LNX1: variants seen among roughly 807,000 people sequenced by gnomAD.
LNX1 encodes the protein E3 ubiquitin-protein ligase LNX.
In LNX1, 54 loss-of-function variants were observed where a neutral mutation model predicts 68.4. That is an observed-to-expected ratio of 0.79 (90% confidence interval 0.63 to 0.99). LNX1 has a LOEUF of 0.99. Among genes scored for constraint, LNX1 ranks in the 50% least tolerant of loss-of-function variants. The pLI, the probability that LNX1 is intolerant of heterozygous loss-of-function variation, is 0.00. For synonymous variants in LNX1, 336 were observed against 350.0 expected, an observed-to-expected ratio of 0.96 and a Z score of 0.45; for missense variants, 906 against 926.4, an observed-to-expected ratio of 0.98 and a Z score of 0.29.
At chr4:53,602,408 A>G (rs191858112) in intron 2 of LNX1, among the ~76,000 whole-genome samples, 51 of 152,304 alleles carry the variant, frequency 3.3e-4, no homozygotes, top group Middle Eastern at 3.4e-3. Flanking sequence ...ACCTGGGCCA[A>G]CATCAGCTGT....
chr4:53,533,414 T>A (rs1296977701), intron 2 of LNX1, among the ~76,000 whole-genome samples: 1 of 152,192 alleles, frequency 6.6e-6, no homozygotes, highest in Non-Finnish European at 1.5e-5. Flanking sequence ...GACTTTTTTA[T>A]TTGAGGTGGC....
At chr4:53,570,538 T>G in intron 2 of LNX1, among the ~76,000 whole-genome samples, 1 of 136,406 alleles carries the variant, frequency 7.3e-6, no homozygotes, top group African/African-American at 2.6e-5. Flanking sequence ...GGGGGAGGGA[T>G]AGCATTGGGC....
At chr4:53,463,928 G>A (rs1378521668) in intron 9 of LNX1, among the ~76,000 whole-genome samples, 3 of 152,080 alleles carry the variant, frequency 2.0e-5, no homozygotes, top group Admixed American at 2.0e-4. Context: ...CTAAGGCAGA[G>A]CCTCTTTCCT....
intron 2 of LNX1, among the ~76,000 whole-genome samples, chr4:53,542,310 A>G (rs1225824000): frequency 1.3e-5 from 2 of 152,232 alleles, no homozygotes; most frequent in African/African-American, 4.8e-5. Context: ...AAAGATTGTA[A>G]TACTGTTGTT....
chr4:53,599,221 G>T (rs1048372837), intron 2 of LNX1, among the ~76,000 whole-genome samples: 1 of 152,162 alleles, frequency 6.6e-6, no homozygotes, highest in East Asian at 1.9e-4. Context: ...TGAGATAAAA[G>T]ATTGGCACAA....
chr4:53,479,215 G>A (rs1400306135), intron 7 of LNX1, among the ~76,000 whole-genome samples: 3 of 152,198 alleles, frequency 2.0e-5, no homozygotes, highest in Non-Finnish European at 4.4e-5. Context: ...AGCACACAGA[G>A]TGAACTGCAC....
chr4:53,477,019 G>A (rs1723608111), intron 8 of LNX1, 38 bp from the exon 9 acceptor site: 1 of 1,536,990 alleles, frequency 6.5e-7, no homozygotes. Context: ...TTTAGTGAGA[G>A]CACAAACAGG....
intron 1 of LNX1, among the ~76,000 whole-genome samples, chr4:53,586,178 ATGTTG>A (rs1444554002): frequency 7.9e-5 from 12 of 152,240 alleles, no homozygotes; most frequent in South Asian, 4.1e-4. Flanking sequence ...GAGTGTGTGT[ATGTTG>A]TGGAAGATGT....
intron 2 of LNX1, among the ~76,000 whole-genome samples, chr4:53,556,562 G>A (rs372713351): frequency 7.2e-5 from 11 of 152,338 alleles, no homozygotes; most frequent in African/African-American, 2.6e-4. Flanking sequence ...AGAGGAATGA[G>A]CCTTTTCATA....
intron 1 of LNX1, among the ~76,000 whole-genome samples, chr4:53,582,666 T>C (rs10021838): frequency 0.32 from 49,201 of 152,114 alleles, 8,271 homozygotes; most frequent in African/African-American, 0.41. Context: ...AGATTATTTC[T>C]GAGGTTACTT....
intron 2 of LNX1, among the ~76,000 whole-genome samples, chr4:53,614,978 T>C (rs1733632334): frequency 1.5e-5 from 1 of 66,330 alleles, no homozygotes; most frequent in African/African-American, 5.1e-5. Flanking sequence ...CGAAATTTGT[T>C]CATCTTTGAA....
chr4:53,649,044 T>C (rs1734995108), intron 1 of LNX1, among the ~76,000 whole-genome samples: 1 of 152,186 alleles, frequency 6.6e-6, no homozygotes, highest in Non-Finnish European at 1.5e-5. Flanking sequence ...ATGGTGCCTG[T>C]AACCCAAAAT....
At chr4:53,637,566 C>T (rs1734527999) in intron 1 of LNX1, among the ~76,000 whole-genome samples, 1 of 152,050 alleles carries the variant, frequency 6.6e-6, no homozygotes, top group African/African-American at 2.4e-5. Context: ...GCTCAATCCC[C>T]ACGACACTGT....
intron 2 of LNX1, among the ~76,000 whole-genome samples, chr4:53,561,124 A>G (rs1730257847): frequency 1.3e-5 from 2 of 152,214 alleles, no homozygotes; most frequent in South Asian, 4.1e-4. Flanking sequence ...GGTCACAGTA[A>G]GGATGTATGT....
At chr4:53,611,592 T>C (rs28470376) in intron 2 of LNX1, among the ~76,000 whole-genome samples, 37,420 of 151,970 alleles carry the variant, frequency 0.25, 5,406 homozygotes, top group African/African-American at 0.42. Context: ...TTACTAGAAC[T>C]GTCTATAAAC....
chr4:53,627,406 A>G (rs1426461244), intron 1 of LNX1, among the ~76,000 whole-genome samples: 1 of 152,196 alleles, frequency 6.6e-6, no homozygotes, highest in Non-Finnish European at 1.5e-5. Flanking sequence ...AACAGGGTTG[A>G]GCAATCTTGA....
chr4:53,613,192 A>G (rs933834834), intron 2 of LNX1, among the ~76,000 whole-genome samples: 1 of 151,294 alleles, frequency 6.6e-6, no homozygotes, highest in African/African-American at 2.4e-5. Flanking sequence ...GAATAAAAAG[A>G]CCCCCTACAC....
intron 2 of LNX1, among the ~76,000 whole-genome samples, chr4:53,547,419 A>C (rs1376159749): frequency 6.6e-6 from 1 of 152,186 alleles, no homozygotes; most frequent in Non-Finnish European, 1.5e-5. Flanking sequence ...AGAGAAGGTA[A>C]GTAACCTGCC....
In LNX1 at chr4:53,459,732, T is replaced by C; in HGVS notation, c.*1175A>G. Reference sequence around the variant, plus strand: ...AATCTAAAGAGCTGTGTTAGCTGTGTACATACACAGATTATCTGAGAAAAG... The same window carrying C: ...AATCTAAAGAGCTGTGTTAGCTGTGCACATACACAGATTATCTGAGAAAAG... On this transcript the variant is annotated 3_prime_UTR_variant, in exon 11 of 11. Coordinates refer to ENST00000263925, the MANE Select transcript of LNX1 (RefSeq NM_001126328.3). The C allele has an allele frequency of 2.5e-6, 1 of 396,450 alleles. No individual in the cohort carries two copies. Among genetic ancestry groups the C allele is most frequent in the Non-Finnish European group, 4.6e-6 (1 of 218,576 alleles). The allele number at this position is 396,450 out of a possible 1,614,324, so 24.6% of individuals were successfully genotyped here.
Sources: allele counts gnomAD v4.1 joint callset (sites outside exome capture counted in the v4.1 genomes callset), GRCh38; gene constraint gnomAD v4.1.1; transcripts MANE v1.5; gene names NCBI Gene and HGNC (gene_info 2026-07-23, HGNC 2026-07-21).